The following QTMAN variants were observed in gnomAD, a reference collection of about 807,000 sequenced individuals.
QTMAN encodes the protein queuosine-tRNA mannosyltransferase.
the QTMAN span, among the ~76,000 whole-genome samples, chr2:143,961,474 C>T: frequency 6.6e-6 from 1 of 152,096 alleles, no homozygotes; most frequent in African/African-American, 2.4e-5. Context: ...TTTCCAATTT[C>T]CTATTTGTCT....
At chr2:144,183,048 G>C in the QTMAN span, among the ~76,000 whole-genome samples, 3 of 148,612 alleles carry the variant, frequency 2.0e-5, no homozygotes, top group African/African-American at 7.4e-5. Flanking sequence ...TCATATCTGA[G>C]TCTAAGAAGC....
the QTMAN span, among the ~76,000 whole-genome samples, chr2:144,116,061 T>C: frequency 6.6e-6 from 1 of 152,138 alleles, no homozygotes; most frequent in South Asian, 2.1e-4. Context: ...TAATAAGTTG[T>C]ATGAGTAGTA....
chr2:144,082,733 G>A, the QTMAN span, among the ~76,000 whole-genome samples: 1 of 152,174 alleles, frequency 6.6e-6, no homozygotes, highest in South Asian at 2.1e-4. Flanking sequence ...GCAAGGAAGT[G>A]GCAGAGTAGG....
chr2:144,171,685 G>A, the QTMAN span, among the ~76,000 whole-genome samples: 1 of 152,076 alleles, frequency 6.6e-6, no homozygotes, highest in Admixed American at 6.6e-5. Flanking sequence ...TACACCAAAA[G>A]AGTAGAAACC....
At chr2:144,083,007 G>A in the QTMAN span, among the ~76,000 whole-genome samples, 1 of 152,098 alleles carries the variant, frequency 6.6e-6, no homozygotes, top group African/African-American at 2.4e-5. Flanking sequence ...AAGAAGGTGG[G>A]AAGTTCTCAC....
chr2:144,118,075 T>C, the QTMAN span, among the ~76,000 whole-genome samples: 9 of 152,148 alleles, frequency 5.9e-5, no homozygotes, highest in African/African-American at 1.2e-4. Context: ...CTCAATCTCC[T>C]GACCTTGTGA....
the QTMAN span, among the ~76,000 whole-genome samples, chr2:144,266,533 T>C: frequency 3.9e-5 from 6 of 152,222 alleles, no homozygotes; most frequent in Middle Eastern, 3.2e-3. Flanking sequence ...GACTGAGACA[T>C]TGTACCAATC....
the QTMAN span, among the ~76,000 whole-genome samples, chr2:144,022,531 A>G: frequency 7.1e-6 from 1 of 140,654 alleles, no homozygotes; most frequent in African/African-American, 2.7e-5. Flanking sequence ...TAGGTTGCCA[A>G]TTCTCATTCT....
At chr2:144,191,662 A>T in the QTMAN span, among the ~76,000 whole-genome samples, 1 of 152,214 alleles carries the variant, frequency 6.6e-6, no homozygotes, top group East Asian at 1.9e-4. Flanking sequence ...TGGTGGTAAG[A>T]AAGACAAAGT....
the QTMAN span, among the ~76,000 whole-genome samples, chr2:144,013,712 A>G: frequency 3.9e-5 from 6 of 152,228 alleles, 1 homozygote; most frequent in Middle Eastern, 6.3e-3. Flanking sequence ...ATTAAAATAA[A>G]TAAGTTTTCC....
chr2:144,078,513 T>C, the QTMAN span, among the ~76,000 whole-genome samples: 2 of 152,224 alleles, frequency 1.3e-5, no homozygotes, highest in Non-Finnish European at 2.9e-5. Flanking sequence ...CAGAAAGATA[T>C]GCATTTAAGA....
the QTMAN span, among the ~76,000 whole-genome samples, chr2:144,116,938 T>C: frequency 1.3e-5 from 2 of 152,162 alleles, no homozygotes; most frequent in Non-Finnish European, 2.9e-5. Flanking sequence ...TCCTGGGTTT[T>C]TGGGGTTTTG....
chr2:144,257,101 A>AC, the QTMAN span, among the ~76,000 whole-genome samples: 1 of 150,684 alleles, frequency 6.6e-6, no homozygotes, highest in South Asian at 2.1e-4. Context: ...AAAAAAAAAA[A>AC]CCAGAACAAA....
At chr2:144,312,029 G>A in the QTMAN span, among the ~76,000 whole-genome samples, 1 of 152,008 alleles carries the variant, frequency 6.6e-6, no homozygotes, top group Admixed American at 6.6e-5. Flanking sequence ...ATATTTCTCT[G>A]GATCTCACTT....
the QTMAN span, among the ~76,000 whole-genome samples, chr2:144,324,302 T>G: frequency 6.6e-6 from 1 of 152,226 alleles, no homozygotes; most frequent in Non-Finnish European, 1.5e-5. Flanking sequence ...TTTTTACTAA[T>G]TTGATTACCT....
chr2:144,265,391 T>C, the QTMAN span, among the ~76,000 whole-genome samples: 1 of 152,154 alleles, frequency 6.6e-6, no homozygotes, highest in African/African-American at 2.4e-5. Flanking sequence ...ATTCATACAA[T>C]ATTTCCTCTT....
At chr2:143,991,870 G>T in the QTMAN span, among the ~76,000 whole-genome samples, 1 of 147,846 alleles carries the variant, frequency 6.8e-6, no homozygotes, top group African/African-American at 2.5e-5. Flanking sequence ...GAAGTGAGGA[G>T]ACCCTCTGCC....
At chr2:144,193,697 T>A in the QTMAN span, among the ~76,000 whole-genome samples, 2 of 152,020 alleles carry the variant, frequency 1.3e-5, no homozygotes, top group Non-Finnish European at 2.9e-5. Flanking sequence ...ATAATTTTTT[T>A]AAATTTTTTT....
At chr2:144,300,560 G>A in the QTMAN span, among the ~76,000 whole-genome samples, 1 of 152,094 alleles carries the variant, frequency 6.6e-6, no homozygotes, top group Non-Finnish European at 1.5e-5. Flanking sequence ...ACCAAACTAT[G>A]TTTAGAAGTA....
Sources: allele counts gnomAD v4.1 joint callset (sites outside exome capture counted in the v4.1 genomes callset), GRCh38; gene constraint gnomAD v4.1.1; transcripts MANE v1.5; gene names NCBI Gene and HGNC (gene_info 2026-07-23, HGNC 2026-07-21).